The following DACH2 variants were observed in gnomAD, a reference collection of about 807,000 sequenced individuals.
The protein encoded by DACH2 is dachshund family transcription factor 2.
In DACH2, 17 loss-of-function variants were observed where a neutral mutation model predicts 35.8. The ratio of observed to expected loss-of-function variants is 0.48; its 90% CI spans 0.33 to 0.71. The LOEUF is 0.71. DACH2 is among the 30% of genes least tolerant of loss of function. DACH2 has a pLI of 0.02. For missense variants in DACH2, 469 were observed against 472.7 expected, an observed-to-expected ratio of 0.99 and a Z score of 0.07; for synonymous variants, 195 against 177.3, an observed-to-expected ratio of 1.10 and a Z score of -0.79.
intron 7 of DACH2, chrX:86,799,033 T>C: frequency 3.6e-6 from 1 of 274,196 alleles, no homozygotes. Context: ...ATTTGCAGAT[T>C]TTATAGCAGG....
chrX:86,204,098 C>T (rs2032224171), intron 1 of DACH2, among the ~76,000 whole-genome samples: 1 of 111,385 alleles, frequency 9.0e-6, no homozygotes, highest in Admixed American at 9.6e-5. Flanking sequence ...ATCTGTCCTC[C>T]CTTACTTGGA....
intron 2 of DACH2, among the ~76,000 whole-genome samples, chrX:86,416,837 G>A (rs1043041753): frequency 9.1e-6 from 1 of 110,319 alleles, no homozygotes; most frequent in East Asian, 2.9e-4. Flanking sequence ...GGTGGCTCAC[G>A]TCTGTAATCC....
intron 3 of DACH2, among the ~76,000 whole-genome samples, chrX:86,645,922 T>C (rs887304062): frequency 4.5e-5 from 5 of 110,082 alleles, no homozygotes; most frequent in African/African-American, 1.6e-4. Context: ...TGGTGGAGGA[T>C]ATGAGCAAAA....
intron 1 of DACH2, among the ~76,000 whole-genome samples, chrX:86,191,557 T>C (rs1372558110): frequency 9.0e-6 from 1 of 111,346 alleles, no homozygotes; most frequent in Non-Finnish European, 1.9e-5. Context: ...ACAAAATCTG[T>C]ACACCAAACC....
intron 1 of DACH2, among the ~76,000 whole-genome samples, chrX:86,200,550 A>G (rs5922236): frequency 0.4 from 42,320 of 105,147 alleles, 7,789 homozygotes; most frequent in Non-Finnish European, 0.55. Flanking sequence ...TCTAATACAC[A>G]GGGTCTACAA....
intron 1 of DACH2, among the ~76,000 whole-genome samples, chrX:86,295,067 A>G (rs979215902): frequency 3.5e-5 from 4 of 112,770 alleles, no homozygotes; most frequent in Non-Finnish European, 7.5e-5. Context: ...GCTAGCAATC[A>G]GCCAGACTCC....
intron 1 of DACH2, among the ~76,000 whole-genome samples, chrX:86,244,159 C>T (rs1305589034): frequency 9.0e-6 from 1 of 111,100 alleles, no homozygotes; most frequent in Admixed American, 9.6e-5. Context: ...GTTAATAGGT[C>T]CTAAGTGAAG....
intron 2 of DACH2, among the ~76,000 whole-genome samples, chrX:86,496,057 C>T (rs962750046): frequency 1.8e-4 from 20 of 110,723 alleles, no homozygotes; most frequent in Admixed American, 2.9e-4. Context: ...ATAAGTGTGA[C>T]GTGCTTATTA....
intron 1 of DACH2, among the ~76,000 whole-genome samples, chrX:86,234,541 G>T (rs1257287266): frequency 9.0e-6 from 1 of 110,518 alleles, no homozygotes; most frequent in Non-Finnish European, 1.9e-5. Context: ...TTCCCCTATT[G>T]TTACCATCTT....
chrX:86,544,285 T>G (rs900539883), intron 3 of DACH2, among the ~76,000 whole-genome samples: 1 of 110,782 alleles, frequency 9.0e-6, no homozygotes, highest in Non-Finnish European at 1.9e-5. Context: ...TTCAGGAAAT[T>G]GAGAGAACCC....
intron 4 of DACH2, among the ~76,000 whole-genome samples, chrX:86,663,572 G>T (rs1410468464): frequency 1.8e-5 from 2 of 111,434 alleles, no homozygotes; most frequent in Admixed American, 9.6e-5. Context: ...AGAGAAAAAA[G>T]AACTAAAAGT....
intron 1 of DACH2, among the ~76,000 whole-genome samples, chrX:86,339,258 A>G (rs2035372835): frequency 8.9e-6 from 1 of 112,044 alleles, no homozygotes; most frequent in Admixed American, 9.5e-5. Context: ...AGAAATGACA[A>G]TACCTAGTGA....
chrX:86,465,990 G>A (rs2037659964), intron 2 of DACH2, among the ~76,000 whole-genome samples: 1 of 111,314 alleles, frequency 9.0e-6, no homozygotes. Flanking sequence ...TGAATTTTTT[G>A]GATAATAAAA....
intron 1 of DACH2, among the ~76,000 whole-genome samples, chrX:86,369,179 T>C (rs887925219): frequency 1.8e-5 from 2 of 111,063 alleles, no homozygotes; most frequent in African/African-American, 6.5e-5. Flanking sequence ...AACAAACTTA[T>C]ATATATTGCT....
At chrX:86,387,217 T>TG (rs1193683669) in intron 2 of DACH2, among the ~76,000 whole-genome samples, 1 of 111,430 alleles carries the variant, frequency 9.0e-6, no homozygotes, top group Non-Finnish European at 1.9e-5. Context: ...AGAGAGGGTT[T>TG]GGGGTCAAAT....
chrX:86,626,229 C>A (rs1271938194), intron 3 of DACH2, among the ~76,000 whole-genome samples: 1 of 112,594 alleles, frequency 8.9e-6, no homozygotes, highest in African/African-American at 3.2e-5. Flanking sequence ...TGAAATCCAG[C>A]AGGGCAATCA....
intron 7 of DACH2, among the ~76,000 whole-genome samples, chrX:86,759,251 C>G (rs1464930030): frequency 8.9e-6 from 1 of 112,001 alleles, no homozygotes; most frequent in African/African-American, 3.2e-5. Flanking sequence ...AAGACTATCT[C>G]TGTCTTTAGA....
chrX:86,443,386 C>T (rs946226176), intron 2 of DACH2, among the ~76,000 whole-genome samples: 1 of 111,503 alleles, frequency 9.0e-6, no homozygotes, highest in East Asian at 2.8e-4. Context: ...TGCAACTTTG[C>T]TGAAATCATT....
intron 1 of DACH2, among the ~76,000 whole-genome samples, chrX:86,209,182 T>G (rs2032386620): frequency 9.0e-6 from 1 of 111,650 alleles, no homozygotes; most frequent in Non-Finnish European, 1.9e-5. Flanking sequence ...GATGTGGCAC[T>G]TGTTTATAAA....
Sources: allele counts gnomAD v4.1 joint callset (sites outside exome capture counted in the v4.1 genomes callset), GRCh38; gene constraint gnomAD v4.1.1; transcripts MANE v1.5; gene names NCBI Gene and HGNC (gene_info 2026-07-23, HGNC 2026-07-21).